TBC1D15: variants seen among roughly 807,000 people sequenced by gnomAD.
TBC1D15 encodes TBC1 domain family member 15.
A neutral mutation model predicts 95.4 loss-of-function variants in TBC1D15; 39 were observed. The observed-to-expected ratio is 0.41, with a 90% CI of 0.32 to 0.53. TBC1D15 has a LOEUF of 0.53. Ranked by LOEUF, TBC1D15 falls within the 20% of genes least tolerant of loss-of-function variation. The pLI, the probability that TBC1D15 is intolerant of heterozygous loss-of-function variation, is 0.29. For synonymous variants in TBC1D15, 258 were observed against 261.3 expected (o/e 0.99, Z 0.12); for missense variants, 733 against 794.3 (o/e 0.92, Z 0.93).
In TBC1D15 at chr12:71,861,022, A is replaced by G. The variant is rs538691283; in HGVS notation, c.31-11048A>G. ...ATATATCACATTTATTGATTTGCAT[A>G]TGTTGAACCATCCATGCATCCTGGG... On this transcript the variant is annotated intron_variant, in intron 1 of 16. Coordinates refer to ENST00000485960, the MANE Select transcript of TBC1D15 (RefSeq NM_001146213.3). Among the ~76,000 whole-genome samples, 5 of 152,230 alleles carry G rather than the reference A, an allele frequency of 3.3e-5. No homozygotes were observed. In the East Asian group the frequency reaches 5.8e-4, roughly 18 times the overall value.
intron 3 of TBC1D15, among the ~76,000 whole-genome samples, chr12:71,875,139 A>G (rs767167747): frequency 1.3e-4 from 20 of 151,892 alleles, no homozygotes; most frequent in Non-Finnish European, 2.5e-4. Context: ...GGGTTTCAGC[A>G]TGTTGGCTAG....
chr12:71,872,885 CAT>C (rs749842185), intron 2 of TBC1D15, 42 bp from the exon 3 acceptor site: 19 of 1,372,212 alleles, frequency 1.4e-5, no homozygotes, highest in Admixed American at 8.7e-5. Context: ...TTAAGAATAA[CAT>C]ATTGCTGAAT....
intron 1 of TBC1D15, among the ~76,000 whole-genome samples, chr12:71,868,460 A>G (rs565114740): frequency 6.6e-6 from 1 of 152,068 alleles, no homozygotes; most frequent in African/African-American, 2.4e-5. Flanking sequence ...GTTAGCCAGG[A>G]CGGTCTCGAT....
At chr12:71,850,984 CAAAA>C (rs1206992856) in intron 1 of TBC1D15, among the ~76,000 whole-genome samples, 506 of 46,934 alleles carry the variant, frequency 0.011, 2 homozygotes, top group African/African-American at 0.034. Context: ...CACTCCATCT[CAAAA>C]AAAAAAAAAA....
chr12:71,859,541 C>T (rs1217400281), intron 1 of TBC1D15, among the ~76,000 whole-genome samples: 1 of 152,094 alleles, frequency 6.6e-6, no homozygotes, highest in Non-Finnish European at 1.5e-5. Context: ...GAATAATTTC[C>T]TCTAGTAGTT....
intron 16 of TBC1D15, 147 bp from the exon 17 acceptor site, chr12:71,922,836 A>G: frequency 1.3e-6 from 1 of 755,346 alleles, no homozygotes; most frequent in Non-Finnish European, 2.1e-6. Context: ...GCTGAGAAAA[A>G]TGTTGTGAGA....
Position 71,916,542 on chromosome 12 carries a change from A to T in TBC1D15, c.1402-1156A>T, listed in dbSNP as rs1005412024. Among the ~76,000 whole-genome samples, 4 of 152,152 alleles carry T rather than the reference A, an allele frequency of 2.6e-5. No individual in the cohort carries two copies. In the South Asian group the frequency reaches 8.3e-4, roughly 32 times the overall value. ...GCTTATTGAGAATTAATAGACTTAA[A>T]TTTTTTTTAAGAATGAATTGTTTCT... On this transcript the variant is annotated intron_variant, in intron 12 of 16. Transcript: ENST00000485960.
rs752211587 is a variant in TBC1D15, at chr12:71,839,839, G to C, written c.30+28G>C. On this transcript the variant is annotated intron_variant, in intron 1 of 16. Coordinates refer to ENST00000485960, the MANE Select transcript of TBC1D15 (RefSeq NM_001146213.3). ...AGGTAACGGCCTCCAGGAAGACCTC[G>C]GCTTTTCTCTGGGACGGGGATGCTT... 8.1e-6 allele frequency: 13 copies of C among 1,614,024 alleles called. No homozygotes were observed. The Admixed American group carries it at 1.5e-4, about 19-fold the overall frequency.
At chr12:71,857,927 A>C (rs942861587) in intron 1 of TBC1D15, among the ~76,000 whole-genome samples, 3 of 152,192 alleles carry the variant, frequency 2.0e-5, no homozygotes, top group Non-Finnish European at 4.4e-5. Flanking sequence ...TCCACGTAAG[A>C]GAACATGTGG....
chr12:71,841,901 C>T (rs1885112300), intron 1 of TBC1D15, among the ~76,000 whole-genome samples: 1 of 152,048 alleles, frequency 6.6e-6, no homozygotes, highest in South Asian at 2.1e-4. Context: ...AGACATGATA[C>T]CTTTATGCTT....
At chr12:71,891,916 A>G (rs1897261278) in intron 5 of TBC1D15, among the ~76,000 whole-genome samples, 3 of 151,934 alleles carry the variant, frequency 2.0e-5, no homozygotes. Flanking sequence ...AGCATTTTTT[A>G]TTTGGGTTTT....
At chr12:71,917,618 C>A in intron 12 of TBC1D15, 80 bp from the exon 13 acceptor site, 2 of 934,578 alleles carry the variant, frequency 2.1e-6, no homozygotes, top group South Asian at 1.7e-5. Flanking sequence ...TGTCCTTAGA[C>A]ATCATGTTTT....
At position 71,922,998 on chromosome 12, in the gene TBC1D15, G is replaced by A; in HGVS notation, c.1819G>A (p.Val607Ile). The A allele has an allele frequency of 6.2e-7, 1 of 1,614,216 alleles. No homozygotes were observed. Among genetic ancestry groups the A allele is most frequent in the Admixed American group, 1.7e-5 (1 of 60,020 alleles). ...TCATATCCAGGAATTGCCACAAGCAGTCTGTGAGATCCTTGGGCTTCAAGG... is the reference window on the plus strand; with the variant it reads ...TCATATCCAGGAATTGCCACAAGCAATCTGTGAGATCCTTGGGCTTCAAGG... ...MVKCKELPQAVCEILGLQGSE... is the reference protein window; with the variant it reads ...MVKCKELPQAICEILGLQGSE... Residue 607 changes from valine (V) to isoleucine (I), a missense_variant, in exon 17 of 17, where the codon GTC (valine) becomes ATC (isoleucine). Physicochemically the swap from Val to Ile is conservative, Grantham distance 29. Transcript: ENST00000485960.
At chr12:71,893,675 T>G (rs1341039333) in intron 6 of TBC1D15, among the ~76,000 whole-genome samples, 2 of 151,888 alleles carry the variant, frequency 1.3e-5, no homozygotes, top group African/African-American at 4.8e-5. Context: ...AATGATCGGT[T>G]TAGGCAAAAA....
chr12:71,897,537 T>G (rs1379953069), intron 9 of TBC1D15, among the ~76,000 whole-genome samples: 1 of 152,068 alleles, frequency 6.6e-6, no homozygotes, highest in Admixed American at 6.6e-5. Context: ...GGTTAAAATA[T>G]TTCATGACTA....
intron 1 of TBC1D15, among the ~76,000 whole-genome samples, chr12:71,863,341 G>A (rs1350758684): frequency 2.0e-5 from 3 of 152,094 alleles, no homozygotes; most frequent in African/African-American, 2.4e-5. Context: ...TTGTGCCACT[G>A]CACTCCAGCC....
chr12:71,857,027 G>A (rs1449515358), intron 1 of TBC1D15, among the ~76,000 whole-genome samples: 13 of 151,970 alleles, frequency 8.6e-5, no homozygotes, highest in Admixed American at 6.6e-4. Context: ...AAAGTAATGC[G>A]TAATAAAAAT....
At chr12:71,860,595 G>A (rs1179129262) in intron 1 of TBC1D15, among the ~76,000 whole-genome samples, 2 of 152,096 alleles carry the variant, frequency 1.3e-5, no homozygotes, top group Admixed American at 1.3e-4. Flanking sequence ...CGTTGATTTT[G>A]TGTCCTGCAA....
intron 9 of TBC1D15, chr12:71,897,434 G>A (rs565204251): frequency 6.1e-6 from 1 of 164,602 alleles, no homozygotes; most frequent in African/African-American, 2.4e-5. Flanking sequence ...ACTAGTTTCT[G>A]CAATAAACTG....
Sources: allele counts gnomAD v4.1 joint callset (sites outside exome capture counted in the v4.1 genomes callset), GRCh38; gene constraint gnomAD v4.1.1; transcripts MANE v1.5; gene names NCBI Gene and HGNC (gene_info 2026-07-23, HGNC 2026-07-21).